The following MAML3 variants were observed in gnomAD, a reference collection of about 807,000 sequenced individuals.
MAML3 encodes mastermind-like protein 3.
MAML3 carries 27 observed loss-of-function variants against 101.9 expected under a neutral mutation model. That is an observed-to-expected ratio of 0.27 (90% CI 0.20 to 0.37). The LOEUF (loss-of-function observed/expected upper bound fraction) is 0.37, where lower values mean the gene tolerates loss of function less well. MAML3 is among the 10% of genes least tolerant of loss of function. MAML3 has a pLI of 1.00. For synonymous variants in MAML3, 501 were observed against 555.9 expected (o/e 0.90, Z 1.39); for missense variants, 1,316 against 1,444.9 (o/e 0.91, Z 1.45).
At chr4:139,878,750 G>A (rs1231145263) in intron 2 of MAML3, among the ~76,000 whole-genome samples, 2 of 152,166 alleles carry the variant, frequency 1.3e-5, no homozygotes, top group African/African-American at 4.8e-5. Context: ...TCCTTGATGT[G>A]ATTGAGCATC....
chr4:139,913,593 C>T (rs1413346614), intron 1 of MAML3, among the ~76,000 whole-genome samples: 1 of 152,112 alleles, frequency 6.6e-6, no homozygotes, highest in Non-Finnish European at 1.5e-5. Flanking sequence ...GTTATGTACT[C>T]CTGGGTGACT....
intron 2 of MAML3, among the ~76,000 whole-genome samples, chr4:139,830,693 C>T (rs946700231): frequency 1.3e-5 from 2 of 151,974 alleles, no homozygotes; most frequent in Non-Finnish European, 2.9e-5. Context: ...GGATTACAGG[C>T]GTGAGCCACT....
intron 2 of MAML3, among the ~76,000 whole-genome samples, chr4:139,856,391 G>C (rs530583351): frequency 6.6e-6 from 1 of 152,308 alleles, no homozygotes; most frequent in African/African-American, 2.4e-5. Context: ...GAACTACAAG[G>C]ACCTGCAATG....
intron 1 of MAML3, among the ~76,000 whole-genome samples, chr4:140,111,048 A>C (rs1192636239): frequency 2.0e-5 from 3 of 152,226 alleles, no homozygotes; most frequent in Non-Finnish European, 2.9e-5. Flanking sequence ...AATCCTAAAA[A>C]CCACAGCCAT....
At chr4:139,798,647 C>A (rs896234170) in intron 2 of MAML3, among the ~76,000 whole-genome samples, 2 of 152,206 alleles carry the variant, frequency 1.3e-5, no homozygotes, top group African/African-American at 4.8e-5. Flanking sequence ...GCATGTGTCA[C>A]ATCATTCATA....
At position 139,719,523 on chromosome 4, in the gene MAML3, C is replaced by T; in HGVS notation, c.3217G>A (p.Gly1073Ser). ...CTCTGGCTGCTTGGAGCAAAGCTGC[C>T]ACTGGGTATCTGCTGCTGTGCTGGG... is the stretch of plus-strand genomic sequence containing the variant. The part of the protein sequence containing the change: ...QPPAQQQIPS[G>S]SFAPSSQSQA... Residue 1073 changes from glycine to serine, a missense_variant, in exon 5 of 5, where the codon GGC becomes AGC. Physicochemically the swap from Gly to Ser is moderately conservative, Grantham distance 56. Coordinates refer to ENST00000509479, the MANE Select transcript of MAML3 (RefSeq NM_018717.5). 1 of 1,613,942 alleles carries T rather than the reference C, an allele frequency of 6.2e-7. No homozygotes were observed. The highest frequency in any genetic ancestry group is 8.5e-7 in the Non-Finnish European group (1 of 1,179,850).
intron 2 of MAML3, among the ~76,000 whole-genome samples, chr4:139,757,824 T>C (rs564890195): frequency 6.6e-6 from 1 of 151,938 alleles, no homozygotes; most frequent in Admixed American, 6.6e-5. Context: ...CTGCCTCCAG[T>C]CCCCCTACCT....
At chr4:139,795,663 A>G (rs112621956) in intron 2 of MAML3, among the ~76,000 whole-genome samples, 14 of 152,292 alleles carry the variant, frequency 9.2e-5, no homozygotes, top group African/African-American at 3.1e-4. Context: ...CAGCCTGACA[A>G]ATCTCCCTAC....
At chr4:139,863,133 G>C in intron 2 of MAML3, among the ~76,000 whole-genome samples, 1 of 128,210 alleles carries the variant, frequency 7.8e-6, no homozygotes, top group Admixed American at 7.9e-5. Context: ...CTGGGTGACA[G>C]AGTGAGACTC....
chr4:140,050,459 C>G (rs1727248971), intron 1 of MAML3, among the ~76,000 whole-genome samples: 2 of 152,024 alleles, frequency 1.3e-5, no homozygotes, highest in South Asian at 2.1e-4. Context: ...ACCCAATTAA[C>G]CCCTTAGGCT....
intron 2 of MAML3, among the ~76,000 whole-genome samples, chr4:139,830,582 T>TTTTTTATA (rs1418680033): frequency 1.3e-5 from 2 of 151,708 alleles, no homozygotes; most frequent in Non-Finnish European, 2.9e-5. Flanking sequence ...GCCATGCTAA[T>TTTTTTATA]TTTTTATATT....
chr4:139,890,590 A>G lies in MAML3; in HGVS notation c.846T>C (p.Pro282=). ...ATGTTTCTGATGTGTCTATGCAAGT[A>G]GGGTCATCGAGAGGTTCTTGTTTGA... ...KDLKQEPLDD[P]TCIDTSETSL... is the part of the protein sequence containing the mutation. Residue 282 remains proline (P), a synonymous_variant, in exon 2 of 5, where the codon CCT becomes CCC. Transcript: ENST00000509479. This position sits in a 1 kb window ranked among gnomAD's most constrained non-coding sequence, Gnocchi z 4.1. The G allele has an allele frequency of 8.7e-6, 14 of 1,613,982 alleles. No homozygotes were observed. Among genetic ancestry groups the G allele is most frequent in the Non-Finnish European group, 1.1e-5 (13 of 1,179,872 alleles).
At chr4:140,150,535 G>A (rs1035800689) in intron 1 of MAML3, among the ~76,000 whole-genome samples, 20 of 152,330 alleles carry the variant, frequency 1.3e-4, no homozygotes, top group African/African-American at 4.1e-4. Context: ...CGAGGTAAAC[G>A]CCACAGCAGT....
At chr4:139,801,783 C>T (rs1730614031) in intron 2 of MAML3, among the ~76,000 whole-genome samples, 1 of 151,960 alleles carries the variant, frequency 6.6e-6, no homozygotes, top group Non-Finnish European at 1.5e-5. Context: ...CAGCAGCAGA[C>T]AGAATGACTA....
At chr4:140,129,517 T>TA (rs1728747568) in intron 1 of MAML3, among the ~76,000 whole-genome samples, 1 of 152,220 alleles carries the variant, frequency 6.6e-6, no homozygotes, top group African/African-American at 2.4e-5. Context: ...TTTTGCCTGC[T>TA]TGATAATTTC....
At chr4:139,896,349 C>T (rs1482009780) in intron 1 of MAML3, among the ~76,000 whole-genome samples, 5 of 152,216 alleles carry the variant, frequency 3.3e-5, no homozygotes, top group African/African-American at 1.2e-4. Context: ...TGACTGCACC[C>T]TCGTGGAAGA....
chr4:140,043,848 A>G (rs1362293096), intron 1 of MAML3, among the ~76,000 whole-genome samples: 1 of 152,192 alleles, frequency 6.6e-6, no homozygotes, highest in Admixed American at 6.5e-5. Context: ...AAATCAGCGA[A>G]TATAAATTCA....
intron 1 of MAML3, among the ~76,000 whole-genome samples, chr4:140,102,117 A>G (rs979412216): frequency 6.6e-6 from 1 of 152,214 alleles, no homozygotes; most frequent in African/African-American, 2.4e-5. Flanking sequence ...AAGCTGAGTT[A>G]TTAGAAAATG....
At chr4:139,758,363 G>A (rs186339249) in intron 2 of MAML3, among the ~76,000 whole-genome samples, 142 of 152,310 alleles carry the variant, frequency 9.3e-4, no homozygotes, top group African/African-American at 2.9e-3. Context: ...AAGGAGTCAC[G>A]GTAGAATCTG....
Sources: gnomAD v4.1 joint callset for allele counts (sites outside exome capture counted in the v4.1 genomes callset) on GRCh38, gnomAD v4.1.1 for gene constraint, Gnocchi (gnomAD v3.1) non-coding constraint, MANE v1.5 for transcripts, NCBI Gene and HGNC (gene_info 2026-07-23, HGNC 2026-07-21) for gene names.